KNDC1: variants seen among roughly 807,000 people sequenced by gnomAD.
The protein encoded by KNDC1 is kinase non-catalytic C-lobe domain containing 1.
A neutral mutation model predicts 172.8 loss-of-function variants in KNDC1; 106 were observed. That is an observed-to-expected ratio of 0.61 (90% CI 0.52 to 0.72). The LOEUF is 0.72. KNDC1 is among the 30% of genes least tolerant of loss of function. The pLI is 0.00. For synonymous variants in KNDC1, 1,083 were observed against 1,062.2 expected (o/e 1.02, Z -0.38); for missense variants, 2,325 against 2,394.5 (o/e 0.97, Z 0.61).
At chr10:133,181,834 CCACACA>C (rs369062586) in intron 3 of KNDC1, among the ~76,000 whole-genome samples, 8 of 138,794 alleles carry the variant, frequency 5.8e-5, no homozygotes, top group African/African-American at 2.1e-4. Context: ...CCAGGACCGT[CCACACA>C]CACACACACA....
intron 29 of KNDC1, among the ~76,000 whole-genome samples, chr10:133,222,013 GGCT>G (rs1236041226): frequency 9.8e-4 from 144 of 147,632 alleles, no homozygotes; most frequent in Middle Eastern, 3.4e-3. Context: ...CGGGCGCGGT[GGCT>G]CACGCCAGTA....
chr10:133,211,738 C>A lies in KNDC1; in HGVS notation c.4116C>A (p.Asp1372Glu). 6.2e-7 allele frequency: 1 copy of A among 1,609,396 alleles called. No homozygotes were observed. Residue 1372 changes from aspartate to glutamate, a missense_variant, in exon 23 of 30, where the codon GAC (aspartate) becomes GAA (glutamate). Asp to Glu is a conservative substitution (Grantham distance 45). Coordinates refer to ENST00000304613, the MANE Select transcript of KNDC1 (RefSeq NM_152643.8). ...HLLGLLEVGM[D>E]RRAEGNPRGT... Reference sequence around the variant, plus strand: ...TGGGCCTCCTGGAGGTGGGCATGGACCGGCGGGCCGAGGGCAACCCTCGCG... The same window carrying A: ...TGGGCCTCCTGGAGGTGGGCATGGAACGGCGGGCCGAGGGCAACCCTCGCG...
chr10:133,202,060 C>A, intron 17 of KNDC1, 162 bp downstream of exon 17: 2 of 837,334 alleles, frequency 2.4e-6, no homozygotes, highest in East Asian at 2.6e-5. Flanking sequence ...ATGGTCAGGG[C>A]CCCCTCCCTG....
intron 17 of KNDC1, among the ~76,000 whole-genome samples, chr10:133,203,218 G>A (rs1321842945): frequency 1.2e-5 from 1 of 85,392 alleles, no homozygotes; most frequent in East Asian, 3.0e-4. Flanking sequence ...AACGCACGGC[G>A]TCCAGTGGGG....
chr10:133,167,912 T>C (rs1470259552), intron 2 of KNDC1, among the ~76,000 whole-genome samples: 1 of 152,142 alleles, frequency 6.6e-6, no homozygotes. Flanking sequence ...TGCCCTGCTG[T>C]GAGTGGACGC....
intron 19 of KNDC1, 89 bp downstream of exon 19, chr10:133,207,042 G>A: frequency 6.5e-7 from 1 of 1,540,314 alleles, no homozygotes; most frequent in Non-Finnish European, 8.9e-7. Flanking sequence ...CTGTCCGTGT[G>A]AAGTTATAAA....
intron 17 of KNDC1, chr10:133,202,130 T>C (rs1854392363): frequency 1.4e-6 from 1 of 704,286 alleles, no homozygotes; most frequent in Non-Finnish European, 2.6e-6. Context: ...TGGCTCCACG[T>C]CTGAGGACAG....
chr10:133,206,548 G>C (rs1251051092), intron 17 of KNDC1, 137 bp from the exon 18 acceptor site: 1 of 746,052 alleles, frequency 1.3e-6, no homozygotes, highest in Admixed American at 2.2e-5. Context: ...GGCTGAGTGG[G>C]CCTCTGTCTC....
chr10:133,220,108 C>T lies in KNDC1; in HGVS notation c.5014C>T (p.Leu1672Phe). Residue 1672 changes from leucine to phenylalanine, a missense_variant, in exon 29 of 30, where the codon CTC becomes TTC. Physicochemically the swap from Leu to Phe is conservative, Grantham distance 22 (BLOSUM62 0). Coordinates refer to ENST00000304613, the MANE Select transcript of KNDC1 (RefSeq NM_152643.8). ...CAACGGGGCCCACAGGTGGAGCAAG[C>T]TCAGGTGAGGAGGGGCTCAGGCGGC... The part of the protein sequence containing the change: ...MTNGAHRWSK[L>F]RNIAKVVSQV... 1.9e-6 allele frequency: 3 copies of T among 1,563,278 alleles called. No homozygotes were observed. Among genetic ancestry groups the T allele is most frequent in the South Asian group, 1.2e-5 (1 of 85,040 alleles).
intron 9 of KNDC1, among the ~76,000 whole-genome samples, chr10:133,193,049 A>T (rs1233542543): frequency 1.3e-5 from 2 of 151,690 alleles, no homozygotes; most frequent in African/African-American, 4.8e-5. Context: ...AAATAAAAAT[A>T]AAAATAAAAA....
Position 133,198,344 on chromosome 10 carries a change from G to C in KNDC1, c.1914G>C (p.Leu638=), listed in dbSNP as rs1854252799. The change falls in exon 13 of 30, where the codon CTG becomes CTC. Residue 638 remains leucine (L), a synonymous_variant. Transcript: ENST00000304613. The part of the protein sequence containing the change: ...APAPEPSPGF[L]PVNSDTGLVA... Reference sequence around the variant, plus strand: ...AGCCCCCTGGCTCCCCAGGCTTCCTGCCGGTGAACAGCGACACCGGGCTTG... The same window carrying C: ...AGCCCCCTGGCTCCCCAGGCTTCCTCCCGGTGAACAGCGACACCGGGCTTG... 1 of 1,578,358 alleles carries C rather than the reference G, an allele frequency of 6.3e-7. No individual in the cohort carries two copies. The highest frequency in any genetic ancestry group is 1.3e-5 in the African/African-American group (1 of 74,376).
At chr10:133,199,690 C>G in intron 15 of KNDC1, 88 bp downstream of exon 15, 2 of 1,426,748 alleles carry the variant, frequency 1.4e-6, no homozygotes, top group South Asian at 2.6e-5. Flanking sequence ...CCCAGCCTTC[C>G]CCTCCCAACC....
chr10:133,179,488 G>T (rs1591232826), intron 3 of KNDC1: 1 of 152,382 alleles, frequency 6.6e-6, no homozygotes, highest in East Asian at 1.9e-4. Context: ...ATCTCCAGCA[G>T]AGCAGAGGAG....
intron 3 of KNDC1, among the ~76,000 whole-genome samples, chr10:133,178,150 C>T (rs868686180): frequency 4.8e-5 from 7 of 146,554 alleles, no homozygotes; most frequent in Admixed American, 1.4e-4. Flanking sequence ...CTATGTGTCA[C>T]GGGCACACGA....
chr10:133,174,478 A>T (rs1853469004), intron 3 of KNDC1, among the ~76,000 whole-genome samples: 1 of 152,222 alleles, frequency 6.6e-6, no homozygotes, highest in Non-Finnish European at 1.5e-5. Flanking sequence ...CCGGGTGTGT[A>T]TCAGGCAGTG....
chr10:133,218,333 G>A (rs530144451), intron 26 of KNDC1, among the ~76,000 whole-genome samples: 19 of 152,334 alleles, frequency 1.2e-4, no homozygotes, highest in South Asian at 1.2e-3. Flanking sequence ...GGTCGTCACC[G>A]CCAGCCACAG....
At chr10:133,223,946 TGTGTGA>T (rs1275757745) in intron 29 of KNDC1, among the ~76,000 whole-genome samples, 5 of 140,492 alleles carry the variant, frequency 3.6e-5, no homozygotes, top group Admixed American at 2.1e-4. Flanking sequence ...TGTGTGTGTG[TGTGTGA>T]GCCCATCCAG....
chr10:133,188,785 C>G (rs1853997787), intron 7 of KNDC1, 132 bp downstream of exon 7: 1 of 595,264 alleles, frequency 1.7e-6, no homozygotes, highest in Non-Finnish European at 3.1e-6. Context: ...CCCATCACCC[C>G]TGCCGTCCCA....
At chr10:133,187,124 C>T (rs769875608) in intron 6 of KNDC1, among the ~76,000 whole-genome samples, 5 of 152,254 alleles carry the variant, frequency 3.3e-5, no homozygotes, top group African/African-American at 9.6e-5. Flanking sequence ...GTGGGTTGAG[C>T]TTGCTCATCT....
Sources: gnomAD v4.1 joint callset for allele counts (sites outside exome capture counted in the v4.1 genomes callset) on GRCh38, gnomAD v4.1.1 for gene constraint, MANE v1.5 for transcripts, NCBI Gene and HGNC (gene_info 2026-07-23, HGNC 2026-07-21) for gene names.